The following PCDH7 variants were observed in gnomAD, a reference collection of about 807,000 sequenced individuals.
PCDH7 encodes protocadherin 7, also known as protocadherin-7.
Under a neutral mutation model 58.9 loss-of-function variants are expected in PCDH7, and 17 were observed. That is an observed-to-expected ratio of 0.29 (90% confidence interval 0.20 to 0.43). The LOEUF is 0.43. PCDH7 is among the 20% of genes least tolerant of loss of function. The pLI is 1.00. For missense variants in PCDH7, 1,274 were observed against 1,441.0 expected (o/e 0.88, Z 1.88); for synonymous variants, 664 against 616.4 (o/e 1.08, Z -1.14).
At chr4:31,033,514 T>C (rs1392108439) in intron 3 of PCDH7, among the ~76,000 whole-genome samples, 3 of 152,164 alleles carry the variant, frequency 2.0e-5, no homozygotes, top group Non-Finnish European at 2.9e-5. Flanking sequence ...TAACTCCAAT[T>C]GCGTCATGTT....
chr4:30,811,988 C>G (rs185891933), intron 1 of PCDH7, among the ~76,000 whole-genome samples: 4 of 152,254 alleles, frequency 2.6e-5, no homozygotes, highest in Middle Eastern at 6.8e-3. Context: ...ATGCACAAGA[C>G]GCGGTCCTCA....
At chr4:31,133,725 G>C (rs1719255903) in intron 3 of PCDH7, among the ~76,000 whole-genome samples, 1 of 152,160 alleles carries the variant, frequency 6.6e-6, no homozygotes. Context: ...CTGTAGTGCA[G>C]TTTTCATGTG....
chr4:30,781,530 T>C (rs1722781870), intron 1 of PCDH7, among the ~76,000 whole-genome samples: 1 of 151,132 alleles, frequency 6.6e-6, no homozygotes, highest in African/African-American at 2.4e-5. Context: ...ATATTTTCTA[T>C]CTCTCTATTT....
intron 3 of PCDH7, among the ~76,000 whole-genome samples, chr4:30,955,433 T>G (rs1281645226): frequency 2.0e-5 from 3 of 152,124 alleles, no homozygotes; most frequent in Non-Finnish European, 4.4e-5. Context: ...TCAGTAAAGA[T>G]GTTAAAATTT....
chr4:30,722,252 C>A lies in PCDH7; in HGVS notation c.830C>A (p.Thr277Asn), dbSNP rs1365682752. ...GAGCAGCGCGACTCCTACGAGCTGA[C>A]CCTGCGAGTGCGCGACGGCGGCGAC... is the stretch of plus-strand genomic sequence containing the variant. Residue 277 changes from threonine to asparagine, a missense_variant, in exon 1 of 2, where the codon ACC becomes AAC. This residue lies in a region of PCDH7 where 331 missense variants were observed against 303.2 expected (regional missense o/e 1.09). Coordinates refer to ENST00000361762, the Ensembl canonical transcript of PCDH7. The surrounding 1 kb of genome is among the most constrained non-coding windows in gnomAD (Gnocchi z 7.6). 1 of 1,596,662 alleles carries A rather than the reference C, an allele frequency of 6.3e-7. No homozygotes were observed. Among genetic ancestry groups the A allele is most frequent in the Non-Finnish European group, 8.5e-7 (1 of 1,172,762 alleles).
intron 1 of PCDH7, among the ~76,000 whole-genome samples, chr4:30,890,646 T>G (rs1322097633): frequency 2.0e-5 from 3 of 152,058 alleles, no homozygotes; most frequent in Non-Finnish European, 4.4e-5. Context: ...TAGTTTGTTT[T>G]TATAGTTTTC....
rs557629535 is a variant in PCDH7 at position 30,741,781 on chromosome 4, A to G, written c.70+17185A>G. On this transcript the variant is annotated intron_variant, in intron 1 of 3. Transcript: ENST00000509759. The stretch of plus-strand genomic sequence containing the variant: ...GAGTATAAGCAAATTAGGGGATGGA[A>G]CAATCTGGCTCGATTTGGAAAGCTG... Among the ~76,000 whole-genome samples the G allele has an allele frequency of 1.5e-3, 221 of 152,346 alleles. 3 individuals are homozygous for G. The highest frequency in any genetic ancestry group is 1.3e-3 in the Admixed American group (20 of 15,298).
At chr4:30,955,834 C>A (rs867162982) in intron 3 of PCDH7, among the ~76,000 whole-genome samples, 4 of 152,006 alleles carry the variant, frequency 2.6e-5, no homozygotes, top group Middle Eastern at 6.8e-3. Context: ...CAGGCATAAG[C>A]CACCGTGCTC....
At chr4:30,785,588 T>C (rs1338912814) in intron 1 of PCDH7, among the ~76,000 whole-genome samples, 2 of 152,200 alleles carry the variant, frequency 1.3e-5, no homozygotes, top group Non-Finnish European at 2.9e-5. Context: ...ATTGATAATA[T>C]ACTGTCAGAG....
At chr4:30,992,793 CTTTTTTTT>C (rs577504420) in intron 3 of PCDH7, among the ~76,000 whole-genome samples, 1 of 95,666 alleles carries the variant, frequency 1.0e-5, no homozygotes, top group Non-Finnish European at 2.0e-5. Context: ...CTGTCCCATT[CTTTTTTTT>C]TTTTTTTTTT....
intron 1 of PCDH7, among the ~76,000 whole-genome samples, chr4:30,824,537 A>G (rs1728864090): frequency 6.6e-6 from 1 of 152,134 alleles, no homozygotes; most frequent in Non-Finnish European, 1.5e-5. Context: ...GATATATCCC[A>G]AGAATTACTG....
At position 30,940,994 on chromosome 4, in the gene PCDH7, C is replaced by T. The variant is rs1338113624; in HGVS notation, c.288-9126C>T. 5.9e-5 allele frequency among the ~76,000 whole-genome samples: 9 copies of T among 151,764 alleles called. No individual in the cohort carries two copies. The South Asian group carries it at 6.2e-4, about 11-fold the overall frequency. On this transcript the variant is annotated intron_variant, in intron 2 of 3. Coordinates refer to the PCDH7 transcript ENST00000509759. ...CACTGCCCAAAGTTAACAGATAGTT[C>T]GTGTGATTTAAATGATTGTATTTGG...
intron 1 of PCDH7, among the ~76,000 whole-genome samples, chr4:30,762,233 G>A (rs2109269732): frequency 6.6e-6 from 1 of 151,996 alleles, no homozygotes; most frequent in East Asian, 1.9e-4. Flanking sequence ...TTTTTTCTTA[G>A]CAATTTTGTA....
intron 2 of PCDH7, among the ~76,000 whole-genome samples, chr4:30,920,995 T>A (rs1743120384): frequency 6.6e-6 from 1 of 152,154 alleles, no homozygotes; most frequent in Non-Finnish European, 1.5e-5. Context: ...ATACTCCATA[T>A]TTTTATACTG....
chr4:31,014,761 T>C (rs1042599218), intron 3 of PCDH7, among the ~76,000 whole-genome samples: 2 of 152,206 alleles, frequency 1.3e-5, no homozygotes, highest in Admixed American at 6.5e-5. Context: ...AAATGATCTC[T>C]TAGAATTGGA....
intron 3 of PCDH7, among the ~76,000 whole-genome samples, chr4:31,020,352 T>G (rs1325791900): frequency 6.6e-6 from 1 of 152,130 alleles, no homozygotes; most frequent in Non-Finnish European, 1.5e-5. Flanking sequence ...GATTCTCTCC[T>G]CTCTCTCTCC....
At chr4:31,077,645 G>A (rs1327864508) in intron 3 of PCDH7, among the ~76,000 whole-genome samples, 1 of 152,088 alleles carries the variant, frequency 6.6e-6, no homozygotes, top group Admixed American at 6.6e-5. Flanking sequence ...GGAGGTATGG[G>A]AGGTGGATAC....
rs537658512 is a variant in PCDH7, at chr4:31,079,430, A to T, written c.*8-63043A>T. Among the ~76,000 whole-genome samples, 10 of 146,750 alleles carry T rather than the reference A, an allele frequency of 6.8e-5. No individual in the cohort carries two copies. In the South Asian group the frequency reaches 2.2e-3, roughly 32 times the overall value. ...AAAGTTATCCAAGTGGCTGGTAAAC[A>T]CATGAAAAGTTGCTCGATATCTCTA... On this transcript the variant is annotated intron_variant, in intron 3 of 3. Coordinates refer to the PCDH7 transcript ENST00000509759.
chr4:31,097,628 ATATAT>A lies in PCDH7; in HGVS notation c.*8-44844_*8-44840del, dbSNP rs1482956058. Among the ~76,000 whole-genome samples the A allele has an allele frequency of 8.3e-3, 351 of 42,476 alleles. 29 individuals carry two copies. Among genetic ancestry groups the A allele is most frequent in the African/African-American group, 0.049 (262 of 5,384 alleles). 27.9% of individuals were successfully genotyped at this position (42,476 alleles called of 152,430 possible). ...TATATATATATATATATATATATATATATATATATAAATCTTTTTTCTGTAATTTC... is the reference window on the plus strand; with the variant it reads ...TATATATATATATATATATATATATAATATAAATCTTTTTTCTGTAATTTC... On this transcript the variant is annotated intron_variant, in intron 3 of 3. Transcript: ENST00000509759.
Sources: gnomAD v4.1 joint callset for allele counts (sites outside exome capture counted in the v4.1 genomes callset) on GRCh38, gnomAD v4.1.1 for gene constraint, gnomAD v4.1.1 regional missense constraint, Gnocchi (gnomAD v3.1) non-coding constraint, MANE v1.5 for transcripts, NCBI Gene and HGNC (gene_info 2026-07-23, HGNC 2026-07-21) for gene names.